HIVEP3: variants seen among roughly 807,000 people sequenced by gnomAD.
HIVEP3 encodes the protein HIVEP zinc finger 3.
A neutral mutation model predicts 152.8 loss-of-function variants in HIVEP3; 49 were observed. The observed-to-expected ratio is 0.32, with a 90% CI of 0.26 to 0.41. The LOEUF (loss-of-function observed/expected upper bound fraction) is 0.41. Ranked by LOEUF, HIVEP3 falls within the 10% of genes least tolerant of loss-of-function variation. The pLI, the probability that HIVEP3 is intolerant of heterozygous loss-of-function variation, is 1.00. For synonymous variants in HIVEP3, 1,269 were observed against 1,289.0 expected (o/e 0.98, Z 0.33); for missense variants, 2,790 against 3,103.3 (o/e 0.90, Z 2.40).
intron 1 of HIVEP3, chr1:41,848,109 A>G (rs181454738): frequency 1.3e-5 from 2 of 152,378 alleles, no homozygotes; most frequent in African/African-American, 2.4e-5. Context: ...AAGGATACCC[A>G]GAGCTACCAC....
At chr1:41,809,782 T>C (rs1650841017) in intron 1 of HIVEP3, among the ~76,000 whole-genome samples, 2 of 152,004 alleles carry the variant, frequency 1.3e-5, no homozygotes, top group African/African-American at 2.4e-5. Context: ...AGTAAACACA[T>C]GGGGAACAAG....
chr1:41,872,365 T>C (rs1229158455), intron 1 of HIVEP3, among the ~76,000 whole-genome samples: 1 of 152,210 alleles, frequency 6.6e-6, no homozygotes, highest in Admixed American at 6.5e-5. Context: ...TTATAAATGG[T>C]TGAAGTATGG....
At chr1:41,514,969 A>T (rs1049692364) in intron 7 of HIVEP3, among the ~76,000 whole-genome samples, 3 of 152,220 alleles carry the variant, frequency 2.0e-5, no homozygotes, top group African/African-American at 7.2e-5. Flanking sequence ...TCAGGAGTCT[A>T]GTTTGGGCAT....
chr1:41,885,746 C>T (rs1644336158), intron 1 of HIVEP3, among the ~76,000 whole-genome samples: 1 of 148,368 alleles, frequency 6.7e-6, no homozygotes, highest in Non-Finnish European at 1.5e-5. Context: ...TTCCCCTTTC[C>T]CTTCCCCCTT....
chr1:41,815,498 A>G (rs553172634), intron 1 of HIVEP3, among the ~76,000 whole-genome samples: 1 of 152,236 alleles, frequency 6.6e-6, no homozygotes, highest in Admixed American at 6.5e-5. Flanking sequence ...AAGAGAAAAG[A>G]AAAGAAAGTT....
chr1:41,892,041 T>C (rs1644454985), intron 1 of HIVEP3, among the ~76,000 whole-genome samples: 1 of 152,180 alleles, frequency 6.6e-6, no homozygotes, highest in Admixed American at 6.5e-5. Flanking sequence ...TAGAGTACCC[T>C]AGGAAAATAG....
chr1:41,562,616 T>C (rs1219349795), intron 5 of HIVEP3, among the ~76,000 whole-genome samples: 1 of 112,698 alleles, frequency 8.9e-6, no homozygotes, highest in South Asian at 3.0e-4. Context: ...TCTCTCTCTC[T>C]CTCTCTCTCT....
intron 1 of HIVEP3, among the ~76,000 whole-genome samples, chr1:41,806,821 C>T (rs1055877870): frequency 6.6e-6 from 1 of 152,166 alleles, no homozygotes; most frequent in Non-Finnish European, 1.5e-5. Context: ...GGGCTCCTAG[C>T]TCAACATCTT....
chr1:41,599,391 A>C (rs1356384771), intron 3 of HIVEP3, among the ~76,000 whole-genome samples: 8 of 152,348 alleles, frequency 5.3e-5, no homozygotes, highest in East Asian at 1.9e-4. Context: ...GTAATCACAT[A>C]ATCATAAAGG....
At chr1:41,708,444 A>G (rs1164820635) in intron 1 of HIVEP3, among the ~76,000 whole-genome samples, 1 of 152,012 alleles carries the variant, frequency 6.6e-6, no homozygotes, top group African/African-American at 2.4e-5. Flanking sequence ...TCTCACAACC[A>G]AGGGGAGGGC....
intron 1 of HIVEP3, among the ~76,000 whole-genome samples, chr1:41,806,990 G>A (rs1650664415): frequency 6.7e-6 from 1 of 148,554 alleles, no homozygotes; most frequent in Admixed American, 6.7e-5. Context: ...TAAGCAGTGG[G>A]GGCCACAGGG....
chr1:41,706,002 C>T (rs1449296121), intron 1 of HIVEP3, among the ~76,000 whole-genome samples: 1 of 152,080 alleles, frequency 6.6e-6, no homozygotes, highest in Admixed American at 6.5e-5. Context: ...GGGACACAAC[C>T]ATGCAAACAC....
At chr1:41,623,040 CG>C (rs1305059226) in intron 3 of HIVEP3, among the ~76,000 whole-genome samples, 1 of 152,192 alleles carries the variant, frequency 6.6e-6, no homozygotes, top group East Asian at 1.9e-4. Context: ...AGACAGAGCC[CG>C]GATGCAAACC....
chr1:41,780,369 G>T (rs962254218), intron 1 of HIVEP3, among the ~76,000 whole-genome samples: 1 of 152,220 alleles, frequency 6.6e-6, no homozygotes, highest in Non-Finnish European at 1.5e-5. Context: ...GGGTAGTGAA[G>T]AAAAGAGAGT....
Position 41,583,901 on chromosome 1 carries a change from G to A in HIVEP3, c.897C>T (p.Ser299=). The change falls in exon 4 of 9, where the codon TCC becomes TCT. Residue 299 remains serine, a synonymous_variant. Transcript: ENST00000372583. This position sits in a 1 kb window ranked among gnomAD's most constrained non-coding sequence, Gnocchi z 6.9. ...AGAGAAGGGGCTGCTTGGGTCTTGGGGAGAGCTCTGCAGGGTGACCAGAGG... is the reference window on the plus strand; with the variant it reads ...AGAGAAGGGGCTGCTTGGGTCTTGGAGAGAGCTCTGCAGGGTGACCAGAGG... The part of the protein sequence containing the change: ...SATSGHPAEL[S]PRPKQPLLSS... 6.2e-7 allele frequency: 1 copy of A among 1,614,076 alleles called. No homozygotes were observed. Among genetic ancestry groups the A allele is most frequent in the African/African-American group, 1.3e-5 (1 of 75,010 alleles).
intron 1 of HIVEP3, among the ~76,000 whole-genome samples, chr1:41,816,709 C>T (rs1651289585): frequency 1.3e-5 from 2 of 152,112 alleles, no homozygotes; most frequent in South Asian, 4.1e-4. Context: ...AAAACAAAAA[C>T]ATAGCATCTA....
intron 1 of HIVEP3, among the ~76,000 whole-genome samples, chr1:41,931,450 T>C (rs900794443): frequency 6.6e-6 from 1 of 152,100 alleles, no homozygotes; most frequent in Non-Finnish European, 1.5e-5. Context: ...GTTCCACTGA[T>C]TATTGTATCT....
At chr1:41,744,457 A>G (rs1479291061) in intron 1 of HIVEP3, among the ~76,000 whole-genome samples, 8 of 152,246 alleles carry the variant, frequency 5.3e-5, no homozygotes, top group Non-Finnish European at 1.0e-4. Flanking sequence ...GGCGGGTGCC[A>G]GTCTTTGGCC....
intron 1 of HIVEP3, among the ~76,000 whole-genome samples, chr1:41,925,587 G>A (rs889077641): frequency 2.6e-5 from 4 of 152,132 alleles, no homozygotes; most frequent in African/African-American, 4.8e-5. Flanking sequence ...AAGAAAATCT[G>A]CATATAGTGG....
Sources: gnomAD v4.1 joint callset for allele counts (sites outside exome capture counted in the v4.1 genomes callset) on GRCh38, gnomAD v4.1.1 for gene constraint, Gnocchi (gnomAD v3.1) non-coding constraint, MANE v1.5 for transcripts, NCBI Gene and HGNC (gene_info 2026-07-23, HGNC 2026-07-21) for gene names.